Variants in CLTCL1 observed in about 807,000 individuals in gnomAD.
The protein encoded by CLTCL1 is clathrin heavy chain like 1.
Under a neutral mutation model 190.0 loss-of-function variants are expected in CLTCL1, and 159 were observed. The ratio of observed to expected loss-of-function variants is 0.84; its 90% CI spans 0.74 to 0.95. The LOEUF (loss-of-function observed/expected upper bound fraction) is 0.95, where lower values mean the gene tolerates loss of function less well. Ranked by LOEUF, CLTCL1 falls within the 40% of genes least tolerant of loss-of-function variation. The pLI is 0.00. For missense variants in CLTCL1, 1,878 were observed against 2,033.4 expected, an observed-to-expected ratio of 0.92 and a Z score of 1.47; for synonymous variants, 752 against 769.6, an observed-to-expected ratio of 0.98 and a Z score of 0.38.
intron 11 of CLTCL1, among the ~76,000 whole-genome samples, chr22:19,226,977 A>G (rs534512529): frequency 1.9e-4 from 29 of 151,930 alleles, no homozygotes; most frequent in Non-Finnish European, 2.9e-4. Context: ...ACCTCAAATG[A>G]TCTGCCCACC....
At chr22:19,192,960 CT>C (rs1419748929) in intron 26 of CLTCL1, among the ~76,000 whole-genome samples, 1 of 152,110 alleles carries the variant, frequency 6.6e-6, no homozygotes, top group African/African-American at 2.4e-5. Context: ...GGGGCCTCAA[CT>C]AGACACTGAA....
chr22:19,265,495 GC>G (rs538395348), intron 2 of CLTCL1, among the ~76,000 whole-genome samples: 107 of 151,950 alleles, frequency 7.0e-4, no homozygotes, highest in Non-Finnish European at 1.3e-3. Flanking sequence ...ATATATAGAT[GC>G]ATATATGCAT....
rs191966359 is a variant in CLTCL1 at position 19,210,438 on chromosome 22, C to A, written c.3137G>T (p.Arg1046Leu). The change falls in exon 20 of 33, where the codon CGC (arginine) becomes CTC (leucine). Residue 1046 changes from arginine (R) to leucine (L), a missense_variant. By Grantham distance (102) the Arg-to-Leu change is moderately radical. Transcript: ENST00000427926. ...DRTRVMEYIS[R>L]LDNYDALDIA... ...GTCCAGTGCGTCATAGTTGTCCAGG[C>A]GGCTGATGTACTCCATGACCCGTGT... 2 of 1,613,868 alleles carry A rather than the reference C, an allele frequency of 1.2e-6. No individual in the cohort carries two copies. Among genetic ancestry groups the A allele is most frequent in the African/African-American group, 1.3e-5 (1 of 74,924 alleles).
Position 19,191,297 on chromosome 22 carries a change from G to A in CLTCL1, c.4323+7C>T. 1.2e-6 allele frequency: 2 copies of A among 1,613,954 alleles called. No individual in the cohort carries two copies. Among genetic ancestry groups the A allele is most frequent in the East Asian group, 2.2e-5 (1 of 44,882 alleles). On this transcript the variant is annotated splice_region_variant and intron_variant, in intron 27 of 32. Coordinates refer to ENST00000427926, the MANE Select transcript of CLTCL1 (RefSeq NM_007098.4). ...CACTCTTCTACCTGGGGTTTTGGTT[G>A]ACTCACCTTTGAAAAGAAACTGACT...
rs145746401 is a variant in CLTCL1 at position 19,247,257 on chromosome 22, T to C, written c.520-4321A>G. Among the ~76,000 whole-genome samples the C allele has an allele frequency of 6.4e-3, 970 of 152,316 alleles. 12 individuals carry two copies. Among genetic ancestry groups the C allele is most frequent in the South Asian group, 0.036 (173 of 4,822 alleles). ...GCACCATTCCTGAAGAGACTATTGT[T>C]TCACCATTGAACAGTCTTGACACTC... On this transcript the variant is annotated intron_variant, in intron 3 of 32. Transcript: ENST00000427926.
rs184715711 is a variant in CLTCL1 at position 19,249,510 on chromosome 22, C to T, written c.519+4449G>A. Among the ~76,000 whole-genome samples the T allele has an allele frequency of 5.1e-3, 777 of 150,998 alleles. 4 individuals are homozygous for T. The highest frequency in any genetic ancestry group is 6.5e-3 in the Non-Finnish European group (437 of 67,620). ...TAGTTTGAGACCAGCCTGGCCAACACGGTGAAACCCTGTCTCTACTAAAAA... is the reference window on the plus strand; with the variant it reads ...TAGTTTGAGACCAGCCTGGCCAACATGGTGAAACCCTGTCTCTACTAAAAA... On this transcript the variant is annotated intron_variant, in intron 3 of 32. Coordinates refer to ENST00000427926, the MANE Select transcript of CLTCL1 (RefSeq NM_007098.4).
At chr22:19,187,823 C>G (rs2084363431) in intron 28 of CLTCL1, 95 bp from the exon 29 acceptor site, 2 of 1,402,796 alleles carry the variant, frequency 1.4e-6, no homozygotes, top group South Asian at 2.4e-5. Flanking sequence ...CTGTTGCTAT[C>G]AGCACAGCCT....
At chr22:19,183,737 C>A (rs1367607674) in intron 29 of CLTCL1, 126 bp from the exon 30 acceptor site, 18 of 911,820 alleles carry the variant, frequency 2.0e-5, no homozygotes, top group Non-Finnish European at 3.0e-5. Context: ...GTGGAGCAAG[C>A]CTGGACCCAT....
At chr22:19,204,524 A>C (rs2084992961) in intron 22 of CLTCL1, among the ~76,000 whole-genome samples, 1 of 152,184 alleles carries the variant, frequency 6.6e-6, no homozygotes, top group Non-Finnish European at 1.5e-5. Flanking sequence ...AATAGATCAC[A>C]GTATTTTTAA....
chr22:19,275,287 C>A (rs2087461453), intron 2 of CLTCL1, among the ~76,000 whole-genome samples: 3 of 152,112 alleles, frequency 2.0e-5, no homozygotes, highest in Non-Finnish European at 4.4e-5. Context: ...CCGGAAGCAC[C>A]ACTGCAGCAG....
intron 2 of CLTCL1, among the ~76,000 whole-genome samples, chr22:19,264,247 T>TAA (rs34703407): frequency 3.6e-5 from 5 of 137,540 alleles, no homozygotes; most frequent in African/African-American, 5.4e-5. Flanking sequence ...TACAGTCTCT[T>TAA]AAAAAAAAAA....
intron 22 of CLTCL1, among the ~76,000 whole-genome samples, chr22:19,207,010 A>ATTTTTTTTTTTTTT (rs781980213): frequency 3.2e-5 from 3 of 92,784 alleles, no homozygotes; most frequent in Admixed American, 1.4e-4. Flanking sequence ...TAAACTACTA[A>ATTTTTTTTTTTTTT]TTTTTTTTTT....
chr22:19,204,216 G>A (rs1436985806), intron 22 of CLTCL1, among the ~76,000 whole-genome samples: 5 of 152,002 alleles, frequency 3.3e-5, no homozygotes, highest in African/African-American at 7.2e-5. Flanking sequence ...GAGTCCTGAT[G>A]ACGACCCCTG....
chr22:19,191,332 T>C lies in CLTCL1; in HGVS notation c.4295A>G (p.His1432Arg). 2 of 1,614,026 alleles carry C rather than the reference T, an allele frequency of 1.2e-6. No homozygotes were observed. Among genetic ancestry groups the C allele is most frequent in the Non-Finnish European group, 1.7e-6 (2 of 1,179,892 alleles). The change falls in exon 27 of 33, where the codon CAC becomes CGC. Residue 1432 changes from histidine (H) to arginine (R), a missense_variant. Coordinates refer to ENST00000427926, the MANE Select transcript of CLTCL1 (RefSeq NM_007098.4). ...TGAAAAGAAACTGACTGTCCAGGTG[T>C]GGTCCAGCCGGGGTGAAAGCACCAG... ...LLLVLSPRLD[H>R]TWTVSFFSKA...
intron 1 of CLTCL1, among the ~76,000 whole-genome samples, chr22:19,284,221 A>C (rs2087822501): frequency 6.6e-6 from 1 of 152,170 alleles, no homozygotes; most frequent in African/African-American, 2.4e-5. Context: ...CTATGTGGAC[A>C]CCAATATTTT....
chr22:19,186,422 G>C (rs967706650), intron 29 of CLTCL1, among the ~76,000 whole-genome samples: 2 of 152,006 alleles, frequency 1.3e-5, no homozygotes, highest in African/African-American at 4.8e-5. Context: ...CTGTCTAGCT[G>C]ATGCCCAGAT....
chr22:19,244,955 A>G (rs1167983789), intron 3 of CLTCL1, among the ~76,000 whole-genome samples: 1 of 152,144 alleles, frequency 6.6e-6, no homozygotes. Flanking sequence ...CAAGTACACA[A>G]GCAACTGCAA....
chr22:19,282,033 G>A (rs553520204), intron 1 of CLTCL1, among the ~76,000 whole-genome samples: 30 of 152,224 alleles, frequency 2.0e-4, no homozygotes, highest in African/African-American at 7.2e-4. Context: ...GCATTCTTCA[G>A]AAATGGGAAA....
chr22:19,260,013 A>G (rs1294300448), intron 2 of CLTCL1, among the ~76,000 whole-genome samples: 1 of 152,228 alleles, frequency 6.6e-6, no homozygotes, highest in Non-Finnish European at 1.5e-5. Context: ...GCTGATATGG[A>G]CAAAGTTGTA....
Sources: gnomAD v4.1 joint callset for allele counts (sites outside exome capture counted in the v4.1 genomes callset) on GRCh38, gnomAD v4.1.1 for gene constraint, MANE v1.5 for transcripts, NCBI Gene and HGNC (gene_info 2026-07-23, HGNC 2026-07-21) for gene names.